Variants in SKAP2 observed in about 807,000 individuals in gnomAD.
SKAP2 encodes the protein src kinase associated phosphoprotein 2, also known as src kinase-associated phosphoprotein 2.
A neutral mutation model predicts 54.9 loss-of-function variants in SKAP2; 28 were observed. The observed-to-expected ratio is 0.51, with a 90% confidence interval of 0.38 to 0.70. SKAP2 has a LOEUF of 0.70. Among genes scored for constraint, SKAP2 ranks in the 30% least tolerant of loss-of-function variants. SKAP2 has a pLI of 0.00. For missense variants in SKAP2, 356 were observed against 424.1 expected (o/e 0.84, Z 1.41); for synonymous variants, 137 against 134.3 (o/e 1.02, Z -0.14).
intron 4 of SKAP2, among the ~76,000 whole-genome samples, chr7:26,753,479 TA>T (rs1218175763): frequency 6.6e-6 from 1 of 152,112 alleles, no homozygotes; most frequent in Non-Finnish European, 1.5e-5. Flanking sequence ...AATATACAGA[TA>T]AAACACAGTT....
At chr7:26,705,577 G>A (rs1007987042) in intron 9 of SKAP2, among the ~76,000 whole-genome samples, 51 of 152,146 alleles carry the variant, frequency 3.4e-4, no homozygotes, top group Admixed American at 2.9e-3. Context: ...GAATTCAGGC[G>A]GTTTTATTAT....
chr7:26,791,087 A>G (rs1205815881), intron 4 of SKAP2, among the ~76,000 whole-genome samples: 1 of 152,178 alleles, frequency 6.6e-6, no homozygotes, highest in Non-Finnish European at 1.5e-5. Context: ...AAGTAAATTC[A>G]ATACATTTCT....
At chr7:26,713,322 A>G (rs964315785) in intron 9 of SKAP2, among the ~76,000 whole-genome samples, 1 of 152,232 alleles carries the variant, frequency 6.6e-6, no homozygotes, top group African/African-American at 2.4e-5. Flanking sequence ...TACAATCTGT[A>G]ACTATCTTAA....
At chr7:26,774,581 T>C (rs1055971437) in intron 4 of SKAP2, among the ~76,000 whole-genome samples, 2 of 152,064 alleles carry the variant, frequency 1.3e-5, no homozygotes, top group South Asian at 4.1e-4. Context: ...TCATCTCTCC[T>C]GTGAATAGCC....
intron 6 of SKAP2, among the ~76,000 whole-genome samples, chr7:26,733,772 T>C (rs192000568): frequency 6.6e-6 from 1 of 152,168 alleles, no homozygotes. Context: ...TGAAAAGATA[T>C]TACAATGAAA....
At chr7:26,694,193 G>A (rs992101543) in intron 9 of SKAP2, among the ~76,000 whole-genome samples, 2 of 152,058 alleles carry the variant, frequency 1.3e-5, no homozygotes, top group African/African-American at 4.8e-5. Context: ...AATACCTCAA[G>A]TAGTCAATGT....
intron 9 of SKAP2, among the ~76,000 whole-genome samples, chr7:26,692,253 G>T (rs1786801983): frequency 6.6e-6 from 1 of 152,106 alleles, no homozygotes; most frequent in South Asian, 2.1e-4. Context: ...ACTGAGAAAT[G>T]GACATATTAT....
chr7:26,831,032 T>C (rs751606603), intron 4 of SKAP2, among the ~76,000 whole-genome samples: 1 of 152,182 alleles, frequency 6.6e-6, no homozygotes, highest in African/African-American at 2.4e-5. Flanking sequence ...GCAGCCTTGT[T>C]TCCTAATAAT....
intron 9 of SKAP2, among the ~76,000 whole-genome samples, chr7:26,717,892 A>C (rs1787494978): frequency 6.6e-6 from 1 of 151,878 alleles, no homozygotes; most frequent in South Asian, 2.1e-4. Context: ...ATTTTTTTAA[A>C]AGTGTCAAGA....
chr7:26,846,347 T>C (rs1399532487), intron 3 of SKAP2, among the ~76,000 whole-genome samples: 1 of 152,146 alleles, frequency 6.6e-6, no homozygotes, highest in Non-Finnish European at 1.5e-5. Flanking sequence ...AAATTCTAGG[T>C]GGAAGTAAAC....
intron 9 of SKAP2, among the ~76,000 whole-genome samples, chr7:26,722,915 A>G (rs542104878): frequency 6.6e-6 from 1 of 152,356 alleles, no homozygotes; most frequent in South Asian, 2.1e-4. Flanking sequence ...TAAGAGGATT[A>G]GTTTTCAACA....
intron 4 of SKAP2, among the ~76,000 whole-genome samples, chr7:26,787,954 T>G (rs186627000): frequency 1.3e-5 from 2 of 152,104 alleles, no homozygotes; most frequent in African/African-American, 4.8e-5. Flanking sequence ...CTCCCAACTG[T>G]AAGTGATTCT....
chr7:26,709,129 T>C (rs1787239270), intron 9 of SKAP2, among the ~76,000 whole-genome samples: 1 of 152,178 alleles, frequency 6.6e-6, no homozygotes, highest in South Asian at 2.1e-4. Context: ...TACTTATAAG[T>C]ATAAAACATA....
chr7:26,776,770 T>C (rs1331218125), intron 4 of SKAP2, among the ~76,000 whole-genome samples: 1 of 152,180 alleles, frequency 6.6e-6, no homozygotes, highest in Non-Finnish European at 1.5e-5. Flanking sequence ...TAGACACCTA[T>C]CACAAATCTG....
At chr7:26,846,192 A>T (rs893218523) in intron 3 of SKAP2, among the ~76,000 whole-genome samples, 4 of 152,164 alleles carry the variant, frequency 2.6e-5, no homozygotes, top group Admixed American at 2.6e-4. Context: ...CTGCAAAAAA[A>T]AGTATTAGGA....
rs115247782 is a variant in SKAP2, at chr7:26,703,134, C to A, written c.797-12772G>T. Among the ~76,000 whole-genome samples, 490 of 152,318 alleles carry A rather than the reference C, an allele frequency of 3.2e-3. 6 individuals are homozygous for A. Among genetic ancestry groups the A allele is most frequent in the African/African-American group, 0.011 (463 of 41,566 alleles). ...GCTCAGAGCCGTATCTTCGAAGGCA[C>A]AGGTGTCCAACCTTTTGGCTTCTCT... is the stretch of plus-strand genomic sequence containing the variant. On this transcript the variant is annotated intron_variant, in intron 9 of 12. Coordinates refer to ENST00000345317, the MANE Select transcript of SKAP2 (RefSeq NM_003930.5).
intron 4 of SKAP2, among the ~76,000 whole-genome samples, chr7:26,741,386 A>G (rs973344106): frequency 1.3e-5 from 2 of 148,912 alleles, no homozygotes; most frequent in African/African-American, 4.9e-5. Flanking sequence ...GTGTAGTGGT[A>G]TACGCGCCTG....
chr7:26,655,762 A>G, the SKAP2 span, among the ~76,000 whole-genome samples: 1 of 152,234 alleles, frequency 6.6e-6, no homozygotes, highest in Non-Finnish European at 1.5e-5. Flanking sequence ...CATGGATATT[A>G]TAGTTGTAAG....
At chr7:26,830,754 G>A (rs1382474732) in intron 4 of SKAP2, among the ~76,000 whole-genome samples, 4 of 151,956 alleles carry the variant, frequency 2.6e-5, no homozygotes, top group East Asian at 3.9e-4. Flanking sequence ...CCCTGATATC[G>A]ACTCTGAGTT....
Sources: allele counts gnomAD v4.1 joint callset (sites outside exome capture counted in the v4.1 genomes callset), GRCh38; gene constraint gnomAD v4.1.1; transcripts MANE v1.5; gene names NCBI Gene and HGNC (gene_info 2026-07-23, HGNC 2026-07-21).